MBNL2: variants seen among roughly 807,000 people sequenced by gnomAD.
MBNL2 encodes muscleblind like splicing regulator 2.
A neutral mutation model predicts 41.9 loss-of-function variants in MBNL2; 17 were observed. The observed-to-expected ratio is 0.41, with a 90% CI of 0.28 to 0.61. MBNL2 has a LOEUF of 0.61. MBNL2 is among the 20% of genes least tolerant of loss of function. The pLI is 0.35. For missense variants in MBNL2, 336 were observed against 505.6 expected, an observed-to-expected ratio of 0.66 and a Z score of 3.22; for synonymous variants, 195 against 182.9, an observed-to-expected ratio of 1.07 and a Z score of -0.53.
chr13:97,147,997 G>T, the MBNL2 span, among the ~76,000 whole-genome samples: 1 of 152,292 alleles, frequency 6.6e-6, no homozygotes, highest in South Asian at 2.1e-4. Context: ...GCCAGTCAAT[G>T]CTCTGTTCAC....
intron 2 of MBNL2, among the ~76,000 whole-genome samples, chr13:97,289,114 TTTCTTA>T (rs1402719878): frequency 2.0e-5 from 3 of 152,232 alleles, no homozygotes; most frequent in Non-Finnish European, 4.4e-5. Flanking sequence ...CAATGGAGCA[TTTCTTA>T]TTCTTAAAAA....
rs767294275 is a variant in MBNL2 at position 97,341,986 on chromosome 13, TA to T, written c.340-1028del. 3.3e-5 allele frequency among the ~76,000 whole-genome samples: 5 copies of T among 152,312 alleles called. No homozygotes were observed. In the East Asian group the frequency reaches 5.8e-4, roughly 18 times the overall value. On this transcript the variant is annotated intron_variant, in intron 3 of 8. Coordinates refer to ENST00000679496, the MANE Select transcript of MBNL2 (RefSeq NM_001382683.1). ...AGTGTTAAAAGACTGCATTAATATGTAATTGCAAATTGAAATCAAATAGGTT... is the reference window on the plus strand; with the variant it reads ...AGTGTTAAAAGACTGCATTAATATGTATTGCAAATTGAAATCAAATAGGTT...
At chr13:97,232,619 A>T (rs542751764) in intron 1 of MBNL2, among the ~76,000 whole-genome samples, 2 of 152,180 alleles carry the variant, frequency 1.3e-5, no homozygotes, top group Non-Finnish European at 2.9e-5. Flanking sequence ...GATTGCAGCA[A>T]AAAGGGTTTG....
intron 2 of MBNL2, among the ~76,000 whole-genome samples, chr13:97,313,216 T>A (rs1397478366): frequency 6.6e-6 from 1 of 152,206 alleles, no homozygotes; most frequent in Non-Finnish European, 1.5e-5. Context: ...AATCTTTGCC[T>A]TTGTCAGGAT....
chr13:97,377,769 A>G, intron 8 of MBNL2, among the ~76,000 whole-genome samples: 1 of 152,238 alleles, frequency 6.6e-6, no homozygotes, highest in South Asian at 2.1e-4. Context: ...GCACAAGGAA[A>G]AAAGTTAAAA....
At chr13:97,246,970 G>C (rs1229327510) in intron 1 of MBNL2, among the ~76,000 whole-genome samples, 1 of 152,174 alleles carries the variant, frequency 6.6e-6, no homozygotes, top group African/African-American at 2.4e-5. Flanking sequence ...TGGGAAGAAA[G>C]TGTTGAGTAG....
intron 8 of MBNL2, among the ~76,000 whole-genome samples, chr13:97,375,253 G>T (rs544595785): frequency 6.6e-6 from 1 of 152,346 alleles, no homozygotes; most frequent in South Asian, 2.1e-4. Context: ...AGGTCAGACT[G>T]GACTGGGTCT....
chr13:97,293,373 GTATTTTAT>G (rs2056492321), intron 2 of MBNL2, among the ~76,000 whole-genome samples: 1 of 152,068 alleles, frequency 6.6e-6, no homozygotes, highest in Non-Finnish European at 1.5e-5. Flanking sequence ...GTTTGTGGTA[GTATTTTAT>G]TATTAAAATA....
the MBNL2 span, among the ~76,000 whole-genome samples, chr13:97,206,081 G>A: frequency 5.3e-5 from 8 of 152,236 alleles, no homozygotes; most frequent in Admixed American, 2.0e-4. Context: ...AAGCCAATGA[G>A]TAGTCAGAGA....
At chr13:97,356,960 G>GA (rs2063043123) in intron 6 of MBNL2, 111 bp downstream of exon 6, 1 of 549,026 alleles carries the variant, frequency 1.8e-6, no homozygotes, top group South Asian at 2.5e-5. Flanking sequence ...TTAATTTATG[G>GA]AAAAAATCCA....
At chr13:97,163,688 C>G in the MBNL2 span, among the ~76,000 whole-genome samples, 4 of 152,286 alleles carry the variant, frequency 2.6e-5, no homozygotes, top group African/African-American at 7.2e-5. Flanking sequence ...CTCGCTCACA[C>G]GGCAGAGGCT....
intron 1 of MBNL2, among the ~76,000 whole-genome samples, chr13:97,231,436 A>G (rs1566354620): frequency 6.6e-6 from 1 of 152,182 alleles, no homozygotes; most frequent in African/African-American, 2.4e-5. Flanking sequence ...CACTGCCACA[A>G]TGTGAGTGGC....
intron 2 of MBNL2, among the ~76,000 whole-genome samples, chr13:97,322,828 T>C (rs2059615169): frequency 6.6e-6 from 1 of 152,304 alleles, no homozygotes; most frequent in South Asian, 2.1e-4. Flanking sequence ...TGTCATAGTA[T>C]ATTTATAATA....
At position 97,297,599 on chromosome 13, in the gene MBNL2, T is replaced by G. The variant is rs188105564; in HGVS notation, c.174+21190T>G. 5.5e-3 allele frequency among the ~76,000 whole-genome samples: 844 copies of G among 152,270 alleles called. 11 individuals carry two copies. Among genetic ancestry groups the G allele is most frequent in the African/African-American group, 0.019 (773 of 41,558 alleles). On this transcript the variant is annotated intron_variant, in intron 2 of 8. Transcript: ENST00000679496. ...CCCCTCCCTGTCCCTTCATGTCTCC[T>G]GCTTCCATGTTTCCCTGCTAGATCA...
intron 2 of MBNL2, among the ~76,000 whole-genome samples, chr13:97,299,812 A>C (rs2057437347): frequency 6.6e-6 from 1 of 152,186 alleles, no homozygotes; most frequent in African/African-American, 2.4e-5. Context: ...AAAACATTCT[A>C]AGAGATATAT....
At chr13:97,144,993 C>CCCA in the MBNL2 span, among the ~76,000 whole-genome samples, 1 of 152,172 alleles carries the variant, frequency 6.6e-6, no homozygotes, top group Admixed American at 6.5e-5. Context: ...TTGTGCTTCC[C>CCCA]CCACCAATTT....
chr13:97,188,346 A>G, the MBNL2 span, among the ~76,000 whole-genome samples: 1 of 152,206 alleles, frequency 6.6e-6, no homozygotes, highest in Admixed American at 6.5e-5. Flanking sequence ...ACACTCATGC[A>G]CAAATATCAG....
rs1198092159 is a variant in MBNL2 at position 97,271,154 on chromosome 13, T to C, written c.-604-4478T>C. Among the ~76,000 whole-genome samples the C allele has an allele frequency of 6.7e-5, 10 of 149,758 alleles. No homozygotes were observed. The South Asian group carries it at 1.7e-3, about 25-fold the overall frequency. On this transcript the variant is annotated intron_variant, in intron 1 of 8. Coordinates refer to ENST00000679496, the MANE Select transcript of MBNL2 (RefSeq NM_001382683.1). ...TTTTTTTTTTGAGACAGAGGCTCTC[T>C]GTGTTGCCCAGGCTGGAGTGCAGTG... is the stretch of plus-strand genomic sequence containing the variant.
chr13:97,293,047 CATT>C (rs1022153277), intron 2 of MBNL2, among the ~76,000 whole-genome samples: 4 of 147,962 alleles, frequency 2.7e-5, no homozygotes, highest in Admixed American at 1.4e-4. Context: ...ATCTCATCAT[CATT>C]ATTATTATTT....
Sources: allele counts gnomAD v4.1 joint callset (sites outside exome capture counted in the v4.1 genomes callset), GRCh38; gene constraint gnomAD v4.1.1; transcripts MANE v1.5; gene names NCBI Gene and HGNC (gene_info 2026-07-23, HGNC 2026-07-21).